Variants in USP28 observed in about 807,000 individuals in gnomAD.
USP28 encodes ubiquitin carboxyl-terminal hydrolase 28.
USP28 carries 113 observed loss-of-function variants against 145.0 expected under a neutral mutation model. That is an observed-to-expected ratio of 0.78 (90% CI 0.67 to 0.91). USP28 has a LOEUF of 0.91. Among genes scored for constraint, USP28 ranks in the 40% least tolerant of loss-of-function variants. The probability of loss-of-function intolerance (pLI) is 0.00; values close to 1 mark genes in which losing one functional copy is unlikely to be tolerated. For missense variants in USP28, 1,201 were observed against 1,289.6 expected (o/e 0.93, Z 1.05); for synonymous variants, 447 against 450.9 (o/e 0.99, Z 0.11).
chr11:113,819,115 CT>C (rs1055207541), intron 12 of USP28, among the ~76,000 whole-genome samples: 2,922 of 140,228 alleles, frequency 0.021, 60 homozygotes, highest in African/African-American at 0.063. Context: ...CATTTTTATT[CT>C]TTTTTTTTTT....
intron 1 of USP28, among the ~76,000 whole-genome samples, chr11:113,866,584 CATG>C (rs768063341): frequency 1.3e-5 from 2 of 152,172 alleles, no homozygotes; most frequent in African/African-American, 2.4e-5. Context: ...AAATCAAAAT[CATG>C]ATGAGATGCC....
chr11:113,861,267 T>A (rs1398321450), intron 1 of USP28, among the ~76,000 whole-genome samples: 3 of 152,218 alleles, frequency 2.0e-5, no homozygotes, highest in Admixed American at 2.0e-4. Context: ...TGATCCAATT[T>A]ATTCATGGAA....
Position 113,871,851 on chromosome 11 carries a change from A to G in USP28, c.57+3594T>C, listed in dbSNP as rs887466138. On this transcript the variant is annotated intron_variant, in intron 1 of 24. Coordinates refer to ENST00000003302, the Ensembl canonical transcript of USP28. Reference sequence around the variant, plus strand: ...GAAAAGGCATTATAAGAGTAGTGGAAAGTCTGTGATCCAGGGCAATGGGCC... The same window carrying G: ...GAAAAGGCATTATAAGAGTAGTGGAGAGTCTGTGATCCAGGGCAATGGGCC... Among the ~76,000 whole-genome samples, 5 of 152,280 alleles carry G rather than the reference A, an allele frequency of 3.3e-5. No homozygotes were observed. The East Asian group carries it at 7.7e-4, about 23-fold the overall frequency.
chr11:113,869,947 GGGGTCA>G (rs1948655455), intron 1 of USP28, among the ~76,000 whole-genome samples: 1 of 152,094 alleles, frequency 6.6e-6, no homozygotes, highest in South Asian at 2.1e-4. Flanking sequence ...CAGATCACCT[GGGGTCA>G]GGAGTTCAAG....
chr11:113,828,704 C>G (rs1340841792), intron 10 of USP28: 1 of 309,386 alleles, frequency 3.2e-6, no homozygotes, highest in African/African-American at 2.2e-5. Context: ...TTAACTTCCC[C>G]CGTCTTTCCA....
At chr11:113,854,590 C>G (rs1188154074) in intron 1 of USP28, among the ~76,000 whole-genome samples, 1 of 152,078 alleles carries the variant, frequency 6.6e-6, no homozygotes, top group South Asian at 2.1e-4. Flanking sequence ...TTAGTAGTGA[C>G]GGGGTTTCAC....
chr11:113,846,864 G>A (rs1407818304), intron 3 of USP28, among the ~76,000 whole-genome samples: 1 of 152,058 alleles, frequency 6.6e-6, no homozygotes, highest in Non-Finnish European at 1.5e-5. Context: ...GTGTGGTGGC[G>A]TGTGCCAGTA....
rs1565439428 is a variant in USP28 at position 113,840,875 on chromosome 11, G to A, written c.375-118C>T. Reference sequence around the variant, plus strand: ...AAAACACCAGAAAAAGTATTTACTGGATAATCCCTAGCTATATAAGGAACT... The same window carrying A: ...AAAACACCAGAAAAAGTATTTACTGAATAATCCCTAGCTATATAAGGAACT... On this transcript the variant is annotated intron_variant, in intron 4 of 24. Coordinates refer to ENST00000003302, the Ensembl canonical transcript of USP28. 2.0e-5 allele frequency: 25 copies of A among 1,268,548 alleles called. No individual in the cohort carries two copies. In the South Asian group the frequency reaches 4.0e-4, roughly 20 times the overall value. The allele number at this position is 1,268,548 out of a possible 1,614,324, so 78.6% of individuals were successfully genotyped here.
chr11:113,840,535 T>C lies in USP28; in HGVS notation c.534+63A>G, dbSNP rs370392281. The C allele has an allele frequency of 6.0e-3, 9,282 of 1,558,764 alleles. 46 individuals are homozygous for C. Among genetic ancestry groups the C allele is most frequent in the Admixed American group, 7.1e-3 (377 of 53,052 alleles). ...TCCTTTGAAAGCTATGTTTCTACAT[T>C]TCAGTTTAATAAATTACAAAGTTAT... On this transcript the variant is annotated intron_variant, in intron 5 of 24. Transcript: ENST00000003302.
chr11:113,809,681 A>G (rs1323470083), intron 16 of USP28, among the ~76,000 whole-genome samples: 2 of 152,248 alleles, frequency 1.3e-5, no homozygotes, highest in East Asian at 3.8e-4. Context: ...ACAGTGCCTG[A>G]CATTTAGTAG....
intron 6 of USP28, 87 bp downstream of exon 6, chr11:113,834,162 C>T (rs978522211): frequency 2.1e-5 from 20 of 937,008 alleles, no homozygotes; most frequent in African/African-American, 1.9e-4. Flanking sequence ...AAGAGTATCA[C>T]GGATATCAGC....
intron 2 of USP28, among the ~76,000 whole-genome samples, chr11:113,853,711 C>A (rs1287654187): frequency 6.6e-6 from 1 of 151,684 alleles, no homozygotes; most frequent in Non-Finnish European, 1.5e-5. Context: ...CCCGTCTCTA[C>A]TAAAAATACA....
At chr11:113,826,337 A>ATTTTTTTTTTTTTTTTTTTTTTTTTT (rs71063527) in intron 11 of USP28, among the ~76,000 whole-genome samples, 1 of 50,736 alleles carries the variant, frequency 2.0e-5, no homozygotes, top group Non-Finnish European at 3.3e-5. Context: ...CACCACACCC[A>ATTTTTTTTTTTTTTTTTTTTTTTTTT]TTTTTTTTTT....
At chr11:113,858,365 G>A (rs555764705) in intron 1 of USP28, among the ~76,000 whole-genome samples, 1 of 152,154 alleles carries the variant, frequency 6.6e-6, no homozygotes, top group Non-Finnish European at 1.5e-5. Flanking sequence ...ATTCTCTCAT[G>A]CATAGACTGT....
At chr11:113,842,622 G>GA (rs539710004) in intron 3 of USP28, among the ~76,000 whole-genome samples, 11 of 147,880 alleles carry the variant, frequency 7.4e-5, no homozygotes, top group African/African-American at 1.7e-4. Context: ...TTTACTGCAG[G>GA]AAAAAAAAAT....
At chr11:113,837,621 C>T (rs1944719655) in intron 5 of USP28, among the ~76,000 whole-genome samples, 1 of 152,148 alleles carries the variant, frequency 6.6e-6, no homozygotes, top group Admixed American at 6.5e-5. Flanking sequence ...TCCTTCCTAT[C>T]TTCATTTCTT....
At chr11:113,820,464 G>T (rs894083204) in intron 12 of USP28, 2 of 152,162 alleles carry the variant, frequency 1.3e-5, no homozygotes, top group African/African-American at 4.8e-5. Flanking sequence ...TACTCAAGAA[G>T]AAGAGGCACA....
Position 113,832,477 on chromosome 11 carries a change from A to G in USP28, c.760-484T>C, listed in dbSNP as rs565172120. ...GAACACTGAAACCCAGCTACTATACATAAAAAAGAAGGTGCATTAAGCAAC... is the reference window on the plus strand; with the variant it reads ...GAACACTGAAACCCAGCTACTATACGTAAAAAAGAAGGTGCATTAAGCAAC... On this transcript the variant is annotated intron_variant, in intron 7 of 24. Coordinates refer to ENST00000003302, the Ensembl canonical transcript of USP28. Among the ~76,000 whole-genome samples the G allele has an allele frequency of 2.6e-5, 4 of 152,334 alleles. No individual in the cohort carries two copies. In the South Asian group the frequency reaches 6.2e-4, roughly 24 times the overall value.
chr11:113,809,327 G>A, intron 16 of USP28, 73 bp from the exon 17 acceptor site: 3 of 1,445,884 alleles, frequency 2.1e-6, no homozygotes, highest in East Asian at 2.3e-5. Flanking sequence ...GAAGAAAGCA[G>A]GGTATTTCAT....
Sources: allele counts gnomAD v4.1 joint callset (sites outside exome capture counted in the v4.1 genomes callset), GRCh38; gene constraint gnomAD v4.1.1; transcripts MANE v1.5; gene names NCBI Gene and HGNC (gene_info 2026-07-23, HGNC 2026-07-21).